INVS: variants seen among roughly 807,000 people sequenced by gnomAD.
INVS encodes inversin.
A neutral mutation model predicts 108.8 loss-of-function variants in INVS; 86 were observed. That is an observed-to-expected ratio of 0.79 (90% CI 0.66 to 0.95). The LOEUF is 0.95. Ranked by LOEUF, INVS falls within the 40% of genes least tolerant of loss-of-function variation. INVS has a pLI of 0.00. For synonymous variants in INVS, 455 were observed against 473.5 expected (o/e 0.96, Z 0.51); for missense variants, 1,169 against 1,297.4 (o/e 0.90, Z 1.52).
At chr9:100,165,152 T>C (rs111984600) in intron 3 of INVS, among the ~76,000 whole-genome samples, 7 of 152,082 alleles carry the variant, frequency 4.6e-5, no homozygotes, top group African/African-American at 1.7e-4. Context: ...ATTTATGGGG[T>C]ACATGTAATG....
chr9:100,206,554 A>C (rs1361275783), intron 3 of INVS, among the ~76,000 whole-genome samples: 1 of 152,028 alleles, frequency 6.6e-6, no homozygotes, highest in Non-Finnish European at 1.5e-5. Flanking sequence ...AATCATTTGG[A>C]GTAAGTTGCA....
intron 10 of INVS, among the ~76,000 whole-genome samples, chr9:100,261,398 T>TGGGA (rs1477219466): frequency 1.3e-5 from 2 of 151,908 alleles, no homozygotes; most frequent in African/African-American, 4.8e-5. Flanking sequence ...TCCAAGTAGC[T>TGGGA]GGGACTACAG....
At chr9:100,270,121 A>T (rs1173281241) in intron 11 of INVS, among the ~76,000 whole-genome samples, 2 of 150,016 alleles carry the variant, frequency 1.3e-5, no homozygotes, top group Non-Finnish European at 3.0e-5. Context: ...TTTTACTTCA[A>T]TTTTTTTTTT....
chr9:100,118,853 G>A (rs1680252546), intron 2 of INVS, among the ~76,000 whole-genome samples: 1 of 151,948 alleles, frequency 6.6e-6, no homozygotes, highest in Admixed American at 6.6e-5. Context: ...TAGAGATGGG[G>A]TTTCACCATG....
chr9:100,135,586 A>G (rs1276121081), intron 3 of INVS, among the ~76,000 whole-genome samples: 5 of 152,122 alleles, frequency 3.3e-5, no homozygotes, highest in Admixed American at 3.3e-4. Flanking sequence ...ACCTCTAGAT[A>G]CCTATCCTGT....
At chr9:100,223,895 C>T (rs1335561800) in intron 3 of INVS, among the ~76,000 whole-genome samples, 1 of 152,194 alleles carries the variant, frequency 6.6e-6, no homozygotes, top group Non-Finnish European at 1.5e-5. Context: ...AGTTCTCATT[C>T]GTCCTTCTGC....
At chr9:100,150,224 A>G (rs980692900) in intron 3 of INVS, among the ~76,000 whole-genome samples, 10 of 152,208 alleles carry the variant, frequency 6.6e-5, no homozygotes, top group African/African-American at 1.2e-4. Flanking sequence ...TAAAATCTAC[A>G]TGGCTGTGGA....
rs189015817 is a variant in INVS at position 100,250,680 on chromosome 9, A to C, written c.1079-1603A>C. ...CTTCATCTCCATTGCAACCACCCTA[A>C]TCAGACCACCATCATTTTTCACTCA... On this transcript the variant is annotated intron_variant, in intron 8 of 16. Coordinates refer to ENST00000262457, the MANE Select transcript of INVS (RefSeq NM_014425.5). 4.6e-5 allele frequency among the ~76,000 whole-genome samples: 7 copies of C among 152,294 alleles called. No homozygotes were observed. The East Asian group carries it at 1.2e-3, about 25-fold the overall frequency.
intron 5 of INVS, among the ~76,000 whole-genome samples, chr9:100,235,790 C>G (rs957289808): frequency 6.6e-6 from 1 of 152,070 alleles, no homozygotes; most frequent in African/African-American, 2.4e-5. Context: ...CTGTCTGGCG[C>G]CCCTTAACAT....
chr9:100,185,713 C>T (rs1354368188), intron 3 of INVS, among the ~76,000 whole-genome samples: 2 of 151,816 alleles, frequency 1.3e-5, no homozygotes, highest in Non-Finnish European at 2.9e-5. Flanking sequence ...TCACCCTTCC[C>T]CTTTCTGAGT....
At chr9:100,246,192 A>G (rs1369380674) in intron 7 of INVS, among the ~76,000 whole-genome samples, 1 of 152,024 alleles carries the variant, frequency 6.6e-6, no homozygotes, top group Non-Finnish European at 1.5e-5. Flanking sequence ...AAGGAAAGAA[A>G]GAAAGAAAGA....
intron 3 of INVS, among the ~76,000 whole-genome samples, chr9:100,211,451 A>G (rs977560686): frequency 6.6e-6 from 1 of 152,224 alleles, no homozygotes; most frequent in African/African-American, 2.4e-5. Flanking sequence ...AAAATCTGGC[A>G]TTGGATAAGG....
intron 3 of INVS, among the ~76,000 whole-genome samples, chr9:100,185,516 A>ATATATATATAT (rs1224840527): frequency 2.7e-5 from 3 of 110,852 alleles, no homozygotes; most frequent in African/African-American, 3.2e-5. Context: ...TATGCATAGA[A>ATATATATATAT]ATATATATAT....
intron 3 of INVS, among the ~76,000 whole-genome samples, chr9:100,193,536 T>A (rs1488813735): frequency 6.6e-6 from 1 of 152,168 alleles, no homozygotes; most frequent in Admixed American, 6.5e-5. Context: ...GTACCATATT[T>A]ACACATCTTC....
intron 3 of INVS, among the ~76,000 whole-genome samples, chr9:100,193,937 A>T (rs1034763073): frequency 2.0e-5 from 3 of 152,192 alleles, no homozygotes; most frequent in Non-Finnish European, 4.4e-5. Flanking sequence ...AAGCAACAGC[A>T]CCTAGCCTTG....
chr9:100,100,822 T>A, intron 1 of INVS, among the ~76,000 whole-genome samples: 1 of 30,054 alleles, frequency 3.3e-5, no homozygotes, highest in Non-Finnish European at 5.1e-5. Flanking sequence ...ATATATATAA[T>A]ATATGTATAT....
rs34728274 is a variant in INVS, at chr9:100,187,525, C to CTTTTTTTTTTTTTT, written c.274-38531_274-38518dup. Among the ~76,000 whole-genome samples the CTTTTTTTTTTTTTT allele has an allele frequency of 1.4e-3, 143 of 105,522 alleles. 11 individuals carry two copies. The highest frequency in any genetic ancestry group is 4.0e-3 in the African/African-American group (92 of 22,730). The allele number at this position is 105,522 out of a possible 152,430, so 69.2% of individuals were successfully genotyped here. On this transcript the variant is annotated intron_variant, in intron 3 of 16. Transcript: ENST00000262457. ...CATTTGTTTGTATCATCTATGATTT[C>CTTTTTTTTTTTTTT]TTTTTTTTTTTTTTTTTTTGAGACA...
At chr9:100,293,313 G>A (rs1348060366) in intron 14 of INVS, among the ~76,000 whole-genome samples, 1 of 152,138 alleles carries the variant, frequency 6.6e-6, no homozygotes, top group Non-Finnish European at 1.5e-5. Flanking sequence ...CATGAAATGT[G>A]AGGTTCAGGT....
At chr9:100,240,593 T>C (rs1831837433) in intron 6 of INVS, among the ~76,000 whole-genome samples, 1 of 152,122 alleles carries the variant, frequency 6.6e-6, no homozygotes, top group African/African-American at 2.4e-5. Context: ...TGAGTTTTTT[T>C]CTTTATATTT....
Sources: gnomAD v4.1 joint callset for allele counts (sites outside exome capture counted in the v4.1 genomes callset) on GRCh38, gnomAD v4.1.1 for gene constraint, MANE v1.5 for transcripts, NCBI Gene and HGNC (gene_info 2026-07-23, HGNC 2026-07-21) for gene names.